CELF4: variants seen among roughly 807,000 people sequenced by gnomAD.
CELF4 encodes the protein CUGBP Elav-like family member 4.
CELF4 carries 18 observed loss-of-function variants against 59.9 expected under a neutral mutation model. The ratio of observed to expected loss-of-function variants is 0.30; its 90% CI spans 0.21 to 0.45. The LOEUF (loss-of-function observed/expected upper bound fraction) is 0.45. CELF4 is among the 20% of genes least tolerant of loss of function. CELF4 has a pLI of 1.00. For synonymous variants in CELF4, 261 were observed against 267.1 expected (o/e 0.98, Z 0.22); for missense variants, 456 against 689.0 (o/e 0.66, Z 3.79).
chr18:37,426,710 G>C, intron 2 of CELF4, among the ~76,000 whole-genome samples: 1 of 152,184 alleles, frequency 6.6e-6, no homozygotes, highest in East Asian at 1.9e-4. Flanking sequence ...AGGCGGCCCT[G>C]TTCCCTTAAA....
intron 2 of CELF4, among the ~76,000 whole-genome samples, chr18:37,471,546 C>T (rs2099830879): frequency 6.6e-6 from 1 of 152,084 alleles, no homozygotes; most frequent in South Asian, 2.1e-4. Context: ...TCTGGAGCCC[C>T]CTCCATCCAC....
At position 37,434,086 on chromosome 18, in the gene CELF4, T is replaced by C. The variant is rs1485684993; in HGVS notation, c.369+51439A>G. 3.3e-5 allele frequency among the ~76,000 whole-genome samples: 5 copies of C among 152,186 alleles called. No homozygotes were observed. In the East Asian group the frequency reaches 9.6e-4, roughly 29 times the overall value. ...ACTAACAGGGCTTGGTATCTGACGC[T>C]GGTGAGCTGATCGCTTTGTTGGGGA... On this transcript the variant is annotated intron_variant, in intron 2 of 12. Coordinates refer to ENST00000420428, the MANE Select transcript of CELF4 (RefSeq NM_020180.4).
At chr18:37,470,875 T>TGA (rs2099819653) in intron 2 of CELF4, among the ~76,000 whole-genome samples, 1 of 102,034 alleles carries the variant, frequency 9.8e-6, no homozygotes, top group African/African-American at 3.8e-5. Context: ...TGTGTGTGTG[T>TGA]GTGTGTGTGT....
chr18:37,445,447 G>A (rs1256345007), intron 2 of CELF4, among the ~76,000 whole-genome samples: 2 of 152,042 alleles, frequency 1.3e-5, no homozygotes, highest in South Asian at 2.1e-4. Context: ...TGGGGTCTGG[G>A]GTCGGTAGTC....
chr18:37,272,992 G>A (rs778765415), intron 7 of CELF4, 24 bp downstream of exon 7: 23 of 1,594,364 alleles, frequency 1.4e-5, no homozygotes, highest in African/African-American at 2.7e-5. Flanking sequence ...GGGCCAGACC[G>A]CGTGTTGGCA....
At chr18:37,388,136 G>A (rs763336978) in intron 2 of CELF4, among the ~76,000 whole-genome samples, 1 of 152,096 alleles carries the variant, frequency 6.6e-6, no homozygotes, top group Non-Finnish European at 1.5e-5. Flanking sequence ...GGGGAGAGAG[G>A]AGGGATCACC....
At chr18:37,288,781 A>C (rs1475206173) in intron 3 of CELF4, among the ~76,000 whole-genome samples, 1 of 152,070 alleles carries the variant, frequency 6.6e-6, no homozygotes, top group Non-Finnish European at 1.5e-5. Context: ...TCCTGAGAGA[A>C]CCAACCATTT....
chr18:37,273,880 T>C, intron 6 of CELF4: 2 of 1,013,970 alleles, frequency 2.0e-6, no homozygotes, highest in South Asian at 8.3e-5. Context: ...TGTAGGGCTT[T>C]AGGGCACCTC....
chr18:37,512,779 C>T (rs2099946045), intron 1 of CELF4, among the ~76,000 whole-genome samples: 1 of 151,748 alleles, frequency 6.6e-6, no homozygotes, highest in Admixed American at 6.6e-5. Context: ...TCCCTTTAGT[C>T]CTTCTATACT....
chr18:37,535,641 T>C (rs936649986), intron 1 of CELF4, among the ~76,000 whole-genome samples: 1 of 152,172 alleles, frequency 6.6e-6, no homozygotes, highest in African/African-American at 2.4e-5. Context: ...CGTTTATATG[T>C]ACTGTGAGCT....
At chr18:37,552,968 C>T (rs914353797) in intron 1 of CELF4, among the ~76,000 whole-genome samples, 8 of 152,230 alleles carry the variant, frequency 5.3e-5, no homozygotes, top group Non-Finnish European at 7.3e-5. Context: ...GTGCTTTTCT[C>T]GCACTGAGAC....
At chr18:37,468,800 G>GC (rs2099814683) in intron 2 of CELF4, among the ~76,000 whole-genome samples, 1 of 152,134 alleles carries the variant, frequency 6.6e-6, no homozygotes, top group Non-Finnish European at 1.5e-5. Flanking sequence ...AGGAGGAAGA[G>GC]CCCCTTGTAA....
intron 2 of CELF4, among the ~76,000 whole-genome samples, chr18:37,389,642 C>G (rs907597017): frequency 1.5e-4 from 23 of 152,094 alleles, no homozygotes; most frequent in African/African-American, 5.6e-4. Context: ...GATGTCCACT[C>G]CCCCGTGCAC....
At chr18:37,443,889 T>C (rs1427450386) in intron 2 of CELF4, among the ~76,000 whole-genome samples, 1 of 152,212 alleles carries the variant, frequency 6.6e-6, no homozygotes, top group African/African-American at 2.4e-5. Context: ...TCAGTGTGCA[T>C]ATTCTGAGTG....
chr18:37,412,574 G>C (rs991601322), intron 2 of CELF4, among the ~76,000 whole-genome samples: 1 of 151,956 alleles, frequency 6.6e-6, no homozygotes, highest in African/African-American at 2.4e-5. Context: ...GTATGAATGG[G>C]TGAATGGTTG....
intron 3 of CELF4, among the ~76,000 whole-genome samples, chr18:37,295,790 T>C (rs1264516213): frequency 1.3e-5 from 2 of 152,192 alleles, no homozygotes; most frequent in African/African-American, 2.4e-5. Context: ...GGCACCCAGG[T>C]GAAACCTAGA....
intron 2 of CELF4, among the ~76,000 whole-genome samples, chr18:37,463,301 C>T (rs531124488): frequency 1.3e-5 from 2 of 152,276 alleles, no homozygotes; most frequent in East Asian, 3.9e-4. Flanking sequence ...GGCCTGGCTG[C>T]AGCAGGTCAG....
At chr18:37,280,492 C>T (rs2093993120) in intron 3 of CELF4, among the ~76,000 whole-genome samples, 1 of 152,150 alleles carries the variant, frequency 6.6e-6, no homozygotes, top group African/African-American at 2.4e-5. Context: ...TTCATTGGAG[C>T]CCCTGATGAG....
chr18:37,275,142 G>A lies in CELF4; in HGVS notation c.550C>T (p.Leu184=), dbSNP rs1202287132. Residue 184 remains leucine, a synonymous_variant, in exon 4 of 13, where the codon CTG becomes TTG. Transcript: ENST00000420428. The part of the protein sequence containing the change: ...AFGNIEECTI[L]RGPDGNSKGC... ...TTGCTGTTGCCGTCGGGCCCGCGCA[G>A]GATGGTGCACTCCTCGATGTTCCCA... 1.2e-6 allele frequency: 2 copies of A among 1,613,436 alleles called. No individual in the cohort carries two copies. The highest frequency in any genetic ancestry group is 1.7e-6 in the Non-Finnish European group (2 of 1,179,878).
Sources: allele counts gnomAD v4.1 joint callset (sites outside exome capture counted in the v4.1 genomes callset), GRCh38; gene constraint gnomAD v4.1.1; transcripts MANE v1.5; gene names NCBI Gene and HGNC (gene_info 2026-07-23, HGNC 2026-07-21).